KIAA1671: variants seen among roughly 807,000 people sequenced by gnomAD.
The protein encoded by KIAA1671 is KIAA1671.
In KIAA1671, 52 loss-of-function variants were observed where a neutral mutation model predicts 131.2. That is an observed-to-expected ratio of 0.40 (90% CI 0.32 to 0.50). The LOEUF (loss-of-function observed/expected upper bound fraction) is 0.50, where lower values mean the gene tolerates loss of function less well. Among genes scored for constraint, KIAA1671 ranks in the 20% least tolerant of loss-of-function variants. The pLI, the probability that KIAA1671 is intolerant of heterozygous loss-of-function variation, is 0.73. For missense variants in KIAA1671, 2,360 were observed against 2,364.2 expected (o/e 1.00, Z 0.04); for synonymous variants, 1,003 against 961.6 (o/e 1.04, Z -0.80).
At chr22:25,025,030 GCC>G (rs1403517975) in intron 1 of KIAA1671, among the ~76,000 whole-genome samples, 16 of 131,702 alleles carry the variant, frequency 1.2e-4, no homozygotes, top group African/African-American at 4.4e-4. Context: ...ATGTGCAAAG[GCC>G]CTGAGGAGGC....
intron 6 of KIAA1671, among the ~76,000 whole-genome samples, chr22:25,096,907 A>G: frequency 6.6e-6 from 1 of 152,190 alleles, no homozygotes; most frequent in East Asian, 1.9e-4. Flanking sequence ...CTCACTTAGC[A>G]TAATTATTTT....
chr22:24,990,432 C>G (rs1415751436), intron 1 of KIAA1671, among the ~76,000 whole-genome samples: 2 of 152,196 alleles, frequency 1.3e-5, no homozygotes, highest in African/African-American at 4.8e-5. Context: ...GACTCAGTAC[C>G]TCCAAACATA....
rs546332253 is a variant in KIAA1671 at position 25,183,906 on chromosome 22, C to T, written c.5200-1071C>T. Among the ~76,000 whole-genome samples the T allele has an allele frequency of 2.0e-5, 3 of 151,878 alleles. No homozygotes were observed. In the South Asian group the frequency reaches 6.3e-4, roughly 32 times the overall value. Reference sequence around the variant, plus strand: ...CAAAGCAAATGATCTTATAAGGTAGCCTAACGCAGGAGGCAGACAGCCACA... The same window carrying T: ...CAAAGCAAATGATCTTATAAGGTAGTCTAACGCAGGAGGCAGACAGCCACA... On this transcript the variant is annotated intron_variant, in intron 10 of 12. Coordinates refer to ENST00000358431, the MANE Select transcript of KIAA1671 (RefSeq NM_001145206.2).
chr22:25,039,354 C>T lies in KIAA1671; in HGVS notation c.2224C>T (p.Arg742Cys), dbSNP rs746875033. 11 of 1,551,922 alleles carry T rather than the reference C, an allele frequency of 7.1e-6. No individual in the cohort carries two copies. The highest frequency in any genetic ancestry group is 3.6e-5 in the South Asian group (3 of 84,062). Reference sequence around the variant, plus strand: ...TGACATTGTGCATGCAGTGGGAGAGCGTGTGCACAGCGAGGCCATCTCACC... The same window carrying T: ...TGACATTGTGCATGCAGTGGGAGAGTGTGTGCACAGCGAGGCCATCTCACC... The part of the protein sequence containing the change: ...RYDIVHAVGE[R>C]VHSEAISPAP... Residue 742 changes from arginine (R) to cysteine (C), a missense_variant, in exon 5 of 13, where the codon CGT becomes TGT. This residue lies in a region of KIAA1671 where 1,185 missense variants were observed against 1,126.2 expected (regional missense o/e 1.05). Transcript: ENST00000358431.
intron 6 of KIAA1671, chr22:25,053,333 C>T (rs1927645408): frequency 6.6e-6 from 1 of 152,236 alleles, no homozygotes; most frequent in Admixed American, 6.5e-5. Flanking sequence ...CCTCTTTTCC[C>T]CAGGAAGTGA....
chr22:25,135,973 T>C (rs2145952566), intron 6 of KIAA1671, among the ~76,000 whole-genome samples: 1 of 152,354 alleles, frequency 6.6e-6, no homozygotes, highest in East Asian at 1.9e-4. Context: ...TTGTGGGAAC[T>C]GAGGCTCAGG....
Position 25,038,934 on chromosome 22 carries a change from G to A in KIAA1671, c.1804G>A (p.Glu602Lys), listed in dbSNP as rs1472540010. The part of the protein sequence containing the change: ...EAPCPSDVTP[E>K]DDRSFQTVWA... ...CCCGTGCCCTTCTGACGTCACTCCA[G>A]AGGATGACCGGAGCTTCCAGACTGT... Residue 602 changes from glutamate to lysine, a missense_variant, in exon 5 of 13, where the codon GAG (glutamate) becomes AAG (lysine). Glu to Lys is a moderately conservative substitution (Grantham distance 56, BLOSUM62 1). This residue lies in a region of KIAA1671 where 1,185 missense variants were observed against 1,126.2 expected (regional missense o/e 1.05). Coordinates refer to ENST00000358431, the MANE Select transcript of KIAA1671 (RefSeq NM_001145206.2). 1.9e-6 allele frequency: 3 copies of A among 1,551,650 alleles called. No homozygotes were observed. Among genetic ancestry groups the A allele is most frequent in the Non-Finnish European group, 2.6e-6 (3 of 1,147,034 alleles).
At chr22:25,114,957 C>T (rs149692935) in intron 6 of KIAA1671, among the ~76,000 whole-genome samples, 3 of 152,284 alleles carry the variant, frequency 2.0e-5, no homozygotes, top group African/African-American at 2.4e-5. Context: ...TTCCTGCCTC[C>T]GGCTTGTATT....
intron 9 of KIAA1671, among the ~76,000 whole-genome samples, chr22:25,178,797 C>A (rs1375855871): frequency 6.6e-6 from 1 of 152,062 alleles, no homozygotes; most frequent in African/African-American, 2.4e-5. Context: ...CCTGCCAGTT[C>A]AACAAGCTCC....
intron 3 of KIAA1671, among the ~76,000 whole-genome samples, chr22:25,030,760 C>T (rs1182415746): frequency 2.0e-5 from 3 of 152,194 alleles, no homozygotes; most frequent in African/African-American, 7.2e-5. Context: ...GTGGCCACAA[C>T]AGAGAGATGC....
At chr22:24,954,204 A>G (rs1001948166) in intron 1 of KIAA1671, among the ~76,000 whole-genome samples, 11 of 152,194 alleles carry the variant, frequency 7.2e-5, no homozygotes, top group African/African-American at 2.4e-4. Flanking sequence ...CCCCCCTTGC[A>G]GAGAGAAGCT....
intron 6 of KIAA1671, among the ~76,000 whole-genome samples, chr22:25,136,087 T>G (rs1472732102): frequency 1.3e-5 from 2 of 152,234 alleles, no homozygotes; most frequent in African/African-American, 4.8e-5. Flanking sequence ...ATCCCAGAGT[T>G]GTGTACTCTG....
intron 6 of KIAA1671, chr22:25,054,742 C>T (rs1377577409): frequency 6.8e-6 from 1 of 146,996 alleles, no homozygotes; most frequent in Admixed American, 6.7e-5. Context: ...GTAAAGTCTC[C>T]CTGGAGGAGG....
intron 7 of KIAA1671, among the ~76,000 whole-genome samples, chr22:25,171,825 G>T (rs1429479328): frequency 2.6e-5 from 4 of 152,166 alleles, no homozygotes; most frequent in African/African-American, 9.7e-5. Context: ...GGAATGGGGA[G>T]TGGCTGCTTC....
intron 11 of KIAA1671, among the ~76,000 whole-genome samples, chr22:25,188,050 C>T (rs1029113035): frequency 1.3e-5 from 2 of 152,156 alleles, no homozygotes; most frequent in African/African-American, 4.8e-5. Flanking sequence ...CCTGTACTCC[C>T]AGCACTTTGG....
At position 25,068,446 on chromosome 22, in the gene KIAA1671, T is replaced by G. The variant is rs556310516; in HGVS notation, c.4530+19082T>G. On this transcript the variant is annotated intron_variant, in intron 6 of 12. Coordinates refer to ENST00000358431, the MANE Select transcript of KIAA1671 (RefSeq NM_001145206.2). ...CCTTGTTTTTTGTTTTTTTGTTGTTTTTTTTTTTGAGACAGAGCCTCACTC... is the reference window on the plus strand; with the variant it reads ...CCTTGTTTTTTGTTTTTTTGTTGTTGTTTTTTTTGAGACAGAGCCTCACTC... 3.7e-4 allele frequency among the ~76,000 whole-genome samples: 56 copies of G among 152,034 alleles called. 1 individual carries two copies. The South Asian group carries it at 0.011, about 29-fold the overall frequency.
chr22:25,171,244 C>T (rs1933837867), intron 7 of KIAA1671, among the ~76,000 whole-genome samples: 2 of 151,510 alleles, frequency 1.3e-5, no homozygotes, highest in African/African-American at 2.4e-5. Flanking sequence ...TACTAAAATA[C>T]AAAAAATTAG....
At chr22:25,133,368 G>A (rs1027457098) in intron 6 of KIAA1671, among the ~76,000 whole-genome samples, 2 of 152,196 alleles carry the variant, frequency 1.3e-5, no homozygotes, top group Non-Finnish European at 2.9e-5. Context: ...AGTAGCATGT[G>A]TTGACCACAG....
In KIAA1671 at chr22:25,179,526, C is replaced by T. The variant is rs1370579476; in HGVS notation, c.5074+2004C>T. 94 of 1,604,760 alleles carry T rather than the reference C, an allele frequency of 5.9e-5. No homozygotes were observed. The Middle Eastern group carries it at 1.0e-3, about 17-fold the overall frequency. ...TCCCGCTCGTGCTCGCGCGGCTCCA[C>T]CAGCTGCTTCAGCACCTGCGCCTCC... On this transcript the variant is annotated intron_variant, in intron 9 of 12. Transcript: ENST00000358431.
Sources: allele counts gnomAD v4.1 joint callset (sites outside exome capture counted in the v4.1 genomes callset), GRCh38; gene constraint gnomAD v4.1.1; regional missense constraint gnomAD v4.1.1; transcripts MANE v1.5; gene names NCBI Gene and HGNC (gene_info 2026-07-23, HGNC 2026-07-21).